Variants in FRMPD4 observed in about 807,000 individuals in gnomAD.
The protein encoded by FRMPD4 is FERM and PDZ domain containing 4.
In FRMPD4, 22 loss-of-function variants were observed where a neutral mutation model predicts 94.1. That is an observed-to-expected ratio of 0.23 (90% CI 0.17 to 0.33). The LOEUF is 0.33. FRMPD4 is among the 10% of genes least tolerant of loss of function. The probability of loss-of-function intolerance (pLI) is 1.00; values close to 1 mark genes in which losing one functional copy is unlikely to be tolerated. For synonymous variants in FRMPD4, 631 were observed against 548.6 expected, an observed-to-expected ratio of 1.15 and a Z score of -2.10; for missense variants, 1,111 against 1,339.9, an observed-to-expected ratio of 0.83 and a Z score of 2.67.
chrX:12,215,827 G>A (rs185452307), intron 1 of FRMPD4, among the ~76,000 whole-genome samples: 3 of 111,695 alleles, frequency 2.7e-5, no homozygotes, highest in Non-Finnish European at 3.8e-5. Context: ...TAGAATATGG[G>A]CCACCAAACT....
intron 3 of FRMPD4, among the ~76,000 whole-genome samples, chrX:12,057,948 T>C (rs376041582): frequency 4.1e-4 from 46 of 111,166 alleles, no homozygotes; most frequent in African/African-American, 1.4e-3. Flanking sequence ...TACTAGACAG[T>C]TTAGATAAAA....
chrX:12,138,671 C>G lies in FRMPD4; in HGVS notation c.-301C>G, dbSNP rs1462354853. ...AGCGCACGGGGCGGGGCGCGAGACC[C>G]GGGCCGCGCTCCCCGCCCCCGCCTC... On this transcript the variant is annotated 5_prime_UTR_variant, in exon 1 of 17. Transcript: ENST00000675598. The G allele has an allele frequency of 1.7e-5, 5 of 299,522 alleles. No individual in the cohort carries two copies. Among genetic ancestry groups the G allele is most frequent in the East Asian group, 9.6e-5 (2 of 20,825 alleles). The allele number at this position is 299,522 out of a possible 1,213,427, so 24.7% of individuals were successfully genotyped here.
chrX:11,890,404 G>A lies in FRMPD4; in HGVS notation c.95+12386G>A, dbSNP rs988900545. ...CTCTGAATGCACATTAAAGTGTGCC[G>A]AGACTCTCCTGCTCTTTTTACTTCT... is the stretch of plus-strand genomic sequence containing the variant. On this transcript the variant is annotated intron_variant, in intron 3 of 18. Coordinates refer to the FRMPD4 transcript ENST00000640291. Among the ~76,000 whole-genome samples, 7 of 111,500 alleles carry A rather than the reference G, an allele frequency of 6.3e-5. No individual in the cohort carries two copies. The East Asian group carries it at 8.4e-4, about 13-fold the overall frequency.
intron 3 of FRMPD4, among the ~76,000 whole-genome samples, chrX:11,948,831 A>C (rs1011040439): frequency 2.7e-5 from 3 of 112,413 alleles, no homozygotes; most frequent in African/African-American, 9.7e-5. Flanking sequence ...AAATAAAATA[A>C]ATTAGTAACT....
At chrX:12,266,187 T>C (rs899225862) in intron 1 of FRMPD4, among the ~76,000 whole-genome samples, 2 of 85,706 alleles carry the variant, frequency 2.3e-5, no homozygotes, top group Non-Finnish European at 4.7e-5. Flanking sequence ...GAACAGGCCA[T>C]AGTAGGAGAA....
rs146341492 is a variant in FRMPD4, at chrX:12,524,394, A to G, written c.158+25598A>G. ...GGTTTACACTGGTCTGTTGGGGCCT[A>G]CTGCAGGAGCTCAGTCCAAAACAAT... On this transcript the variant is annotated intron_variant, in intron 2 of 16. Transcript: ENST00000675598. 9.4e-3 allele frequency among the ~76,000 whole-genome samples: 1,053 copies of G among 111,664 alleles called. 7 individuals are homozygous for G. Among genetic ancestry groups the G allele is most frequent in the African/African-American group, 0.028 (849 of 30,728 alleles).
At chrX:12,344,834 TCCA>T (rs1462027186) in intron 1 of FRMPD4, among the ~76,000 whole-genome samples, 1 of 111,898 alleles carries the variant, frequency 8.9e-6, no homozygotes, top group African/African-American at 3.3e-5. Flanking sequence ...TCTCCCGTGG[TCCA>T]CCATAGTGGG....
rs746050661 is a variant in FRMPD4 at position 12,319,488 on chromosome X, A to G, written c.42-179192A>G. Among the ~76,000 whole-genome samples the G allele has an allele frequency of 6.3e-5, 7 of 111,660 alleles. No homozygotes were observed. The East Asian group carries it at 2.0e-3, about 31-fold the overall frequency. On this transcript the variant is annotated intron_variant, in intron 1 of 16. Transcript: ENST00000675598. ...CCATGTGTAGCCAACTTTGAGAACC[A>G]TTGCCTTATGTTGCTACACACTCCG... is the stretch of plus-strand genomic sequence containing the variant.
At chrX:12,161,529 G>T (rs1297869230) in intron 1 of FRMPD4, among the ~76,000 whole-genome samples, 1 of 111,824 alleles carries the variant, frequency 8.9e-6, no homozygotes, top group Non-Finnish European at 1.9e-5. Context: ...AACCCAGTGG[G>T]ATAGGTTCTA....
chrX:11,946,695 T>C (rs1369546840), intron 3 of FRMPD4, among the ~76,000 whole-genome samples: 1 of 111,185 alleles, frequency 9.0e-6, no homozygotes. Context: ...GTAAAGAAGA[T>C]CACCCTCCCT....
chrX:12,261,498 GA>G (rs1323065718), intron 1 of FRMPD4, among the ~76,000 whole-genome samples: 1 of 111,415 alleles, frequency 9.0e-6, no homozygotes, highest in Non-Finnish European at 1.9e-5. Flanking sequence ...TGACACATAA[GA>G]AGAGACTACT....
At chrX:12,312,456 T>C (rs2055050533) in intron 1 of FRMPD4, among the ~76,000 whole-genome samples, 2 of 109,248 alleles carry the variant, frequency 1.8e-5, no homozygotes, top group Admixed American at 9.7e-5. Context: ...GGTTTCACCA[T>C]GTTAGCCAGG....
At chrX:11,907,499 T>C (rs1475413603) in intron 3 of FRMPD4, among the ~76,000 whole-genome samples, 1 of 112,009 alleles carries the variant, frequency 8.9e-6, no homozygotes, top group Non-Finnish European at 1.9e-5. Flanking sequence ...CAATGTGAGG[T>C]TGCAAGCATG....
intron 2 of FRMPD4, among the ~76,000 whole-genome samples, chrX:11,868,178 C>A (rs1158353561): frequency 8.9e-6 from 1 of 112,239 alleles, no homozygotes; most frequent in Admixed American, 9.4e-5. Flanking sequence ...TGACTCAGCA[C>A]TTCTCCTGTT....
At chrX:11,949,454 C>G (rs1238703292) in intron 3 of FRMPD4, among the ~76,000 whole-genome samples, 1 of 111,910 alleles carries the variant, frequency 8.9e-6, no homozygotes, top group Non-Finnish European at 1.9e-5. Context: ...AGGAGGACTG[C>G]TTAGAACAGC....
Position 12,182,301 on chromosome X carries a change from CT to C in FRMPD4, c.41+43290del, listed in dbSNP as rs746497103. ...CCAATCAGTAAGGGTTCCTTTCCCC[CT>C]GAAGAGTTTGCTAAATTTTTTAACT... On this transcript the variant is annotated intron_variant, in intron 1 of 16. Transcript: ENST00000675598. Among the ~76,000 whole-genome samples the C allele has an allele frequency of 9.9e-4, 111 of 111,682 alleles. 1 individual carries two copies. Among genetic ancestry groups the C allele is most frequent in the Middle Eastern group, 9.3e-3 (2 of 216 alleles).
intron 1 of FRMPD4, among the ~76,000 whole-genome samples, chrX:11,843,835 A>C (rs905336608): frequency 9.0e-6 from 1 of 111,406 alleles, no homozygotes; most frequent in Non-Finnish European, 1.9e-5. Context: ...TTCAGGCACG[A>C]GCCACTGTAC....
At chrX:12,688,461 AAGTT>A (rs1258947959) in intron 7 of FRMPD4, among the ~76,000 whole-genome samples, 1 of 112,345 alleles carries the variant, frequency 8.9e-6, no homozygotes, top group African/African-American at 3.2e-5. Context: ...CATCAAATTC[AAGTT>A]ATCTTATCTT....
intron 3 of FRMPD4, among the ~76,000 whole-genome samples, chrX:11,921,582 G>A (rs960881279): frequency 8.9e-6 from 1 of 111,972 alleles, no homozygotes; most frequent in Non-Finnish European, 1.9e-5. Context: ...AATAGATGCT[G>A]TATCTTAGCG....
Sources: gnomAD v4.1 joint callset for allele counts (sites outside exome capture counted in the v4.1 genomes callset) on GRCh38, gnomAD v4.1.1 for gene constraint, MANE v1.5 for transcripts, NCBI Gene and HGNC (gene_info 2026-07-23, HGNC 2026-07-21) for gene names.